The following PDE1A variants were observed in gnomAD, a reference collection of about 807,000 sequenced individuals.
PDE1A encodes the protein phosphodiesterase 1A.
PDE1A carries 35 observed loss-of-function variants against 61.7 expected under a neutral mutation model. The ratio of observed to expected loss-of-function variants is 0.57; its 90% CI spans 0.43 to 0.75. The LOEUF is 0.75. PDE1A is among the 30% of genes least tolerant of loss of function. The probability of loss-of-function intolerance (pLI) is 0.00; values close to 1 mark genes in which losing one functional copy is unlikely to be tolerated. For missense variants in PDE1A, 597 were observed against 630.6 expected (o/e 0.95, Z 0.57); for synonymous variants, 232 against 213.2 (o/e 1.09, Z -0.77).
chr2:182,649,634 G>A, the PDE1A span, among the ~76,000 whole-genome samples: 4 of 151,410 alleles, frequency 2.6e-5, no homozygotes, highest in South Asian at 2.1e-4. Context: ...AAATTGAGAT[G>A]GAGTCTCGCT....
chr2:182,712,967 C>T, the PDE1A span, among the ~76,000 whole-genome samples: 13 of 152,142 alleles, frequency 8.5e-5, no homozygotes, highest in Admixed American at 8.5e-4. Context: ...AAATAAACTA[C>T]ATCTTGTCCC....
rs184672234 is a variant in PDE1A, at chr2:182,301,728, A to G, written c.54-37314T>C. Among the ~76,000 whole-genome samples the G allele has an allele frequency of 1.4e-4, 22 of 152,338 alleles. No homozygotes were observed. The East Asian group carries it at 4.1e-3, about 28-fold the overall frequency. ...AACAGTATGTCTTAGAATTCAGGGG[A>G]CTCACTGAGGAGCTCTTGGTGCCCC... On this transcript the variant is annotated intron_variant, in intron 1 of 13. Transcript: ENST00000351439.
At chr2:182,186,635 C>T (rs749340502) in intron 11 of PDE1A, 47 bp from the exon 12 acceptor site, 9 of 1,549,208 alleles carry the variant, frequency 5.8e-6, no homozygotes, top group Non-Finnish European at 7.0e-6. Context: ...TCAAGTGTTA[C>T]AATTTCCTGA....
At chr2:182,168,175 C>T (rs1691773767) in exon 14 of PDE1A, 3 of 1,543,944 alleles carry the variant, frequency 1.9e-6, no homozygotes, top group Non-Finnish European at 2.6e-6. Context: ...TTCCAGCAAG[C>T]ATAATCAAAA....
chr2:182,166,505 G>C (rs553649632), downstream of PDE1A, among the ~76,000 whole-genome samples: 4 of 152,122 alleles, frequency 2.6e-5, no homozygotes, highest in Non-Finnish European at 5.9e-5. Flanking sequence ...GAAGGGGGTG[G>C]TCTAAGGCCT....
chr2:182,276,072 C>A (rs1443635907), intron 1 of PDE1A, among the ~76,000 whole-genome samples: 1 of 151,972 alleles, frequency 6.6e-6, no homozygotes, highest in East Asian at 1.9e-4. Context: ...CCAGAAAAAT[C>A]ATTTCCTTCC....
rs550778586 is a variant in PDE1A, at chr2:182,388,806, A to G, written c.53+37772T>C. Among the ~76,000 whole-genome samples the G allele has an allele frequency of 2.6e-5, 4 of 152,162 alleles. No individual in the cohort carries two copies. The South Asian group carries it at 8.3e-4, about 32-fold the overall frequency. On this transcript the variant is annotated intron_variant, in intron 1 of 13. Coordinates refer to ENST00000351439, the Ensembl canonical transcript of PDE1A. ...TATATGGAAGGAAGTAATATAGATC[A>G]GAACAAAAATGAAATAAAGACCAGA...
chr2:182,256,254 G>A (rs1691805036), intron 2 of PDE1A, among the ~76,000 whole-genome samples: 1 of 72,446 alleles, frequency 1.4e-5, no homozygotes, highest in Non-Finnish European at 2.5e-5. Flanking sequence ...CCCCACCACA[G>A]TCCCCAGAGT....
intron 1 of PDE1A, among the ~76,000 whole-genome samples, chr2:182,381,390 T>C (rs1700725281): frequency 6.6e-6 from 1 of 152,194 alleles, no homozygotes; most frequent in Non-Finnish European, 1.5e-5. Flanking sequence ...TTAGAATAGT[T>C]GCCAGAGTAG....
At position 182,348,622 on chromosome 2, in the gene PDE1A, A is replaced by G. The variant is rs144085075; in HGVS notation, c.53+77956T>C. On this transcript the variant is annotated intron_variant, in intron 1 of 13. Coordinates refer to ENST00000351439, the Ensembl canonical transcript of PDE1A. ...TACATGTATAGATTACATGTATCCA[A>G]TTGATTATTTGGACTCTATGCTATC... is the stretch of plus-strand genomic sequence containing the variant. Among the ~76,000 whole-genome samples, 19 of 151,950 alleles carry G rather than the reference A, an allele frequency of 1.3e-4. No individual in the cohort carries two copies. The East Asian group carries it at 2.5e-3, about 20-fold the overall frequency.
chr2:182,589,276 GAA>G, the PDE1A span, among the ~76,000 whole-genome samples: 1 of 60,356 alleles, frequency 1.7e-5, no homozygotes, highest in Non-Finnish European at 4.4e-5. Flanking sequence ...AGGGAGGAAG[GAA>G]GGAAGGAAGG....
intron 2 of PDE1A, among the ~76,000 whole-genome samples, chr2:182,457,998 A>T (rs1333409123): frequency 6.6e-6 from 1 of 152,076 alleles, no homozygotes; most frequent in Non-Finnish European, 1.5e-5. Context: ...TACATCCTCT[A>T]TTGATAAGGG....
Position 182,329,733 on chromosome 2 carries a change from G to T in PDE1A, c.54-65319C>A, listed in dbSNP as rs150414194. ...GGGGTTTCTATCTCCTATCTGCAAA[G>T]CACCATCACCACTCCAGGGACCACT... On this transcript the variant is annotated intron_variant, in intron 1 of 13. Transcript: ENST00000351439. 2.3e-4 allele frequency among the ~76,000 whole-genome samples: 35 copies of T among 152,240 alleles called. 1 individual carries two copies. In the South Asian group the frequency reaches 6.6e-3, roughly 29 times the overall value.
the PDE1A span, among the ~76,000 whole-genome samples, chr2:182,533,035 C>A: frequency 6.9e-6 from 1 of 145,202 alleles, no homozygotes; most frequent in Admixed American, 7.0e-5. Flanking sequence ...AAAGAAGAGG[C>A]CAGGCGCGGC....
intron 1 of PDE1A, among the ~76,000 whole-genome samples, chr2:182,368,179 C>A (rs762134010): frequency 1.3e-4 from 20 of 152,156 alleles, no homozygotes; most frequent in Non-Finnish European, 2.2e-4. Flanking sequence ...GGATCATTAA[C>A]AGATGACACT....
chr2:182,224,160 ATATAAGT>A (rs1319946222), intron 6 of PDE1A, among the ~76,000 whole-genome samples, 196 bp from the exon 7 acceptor site: 2 of 152,040 alleles, frequency 1.3e-5, no homozygotes, highest in Admixed American at 1.3e-4. Flanking sequence ...GTTTCATGGC[ATATAAGT>A]TCAAAATTCA....
At chr2:182,171,029 CTA>C (rs1692164839) in intron 13 of PDE1A, among the ~76,000 whole-genome samples, 3 of 151,906 alleles carry the variant, frequency 2.0e-5, no homozygotes, top group Admixed American at 6.6e-5. Context: ...AAAAACACTT[CTA>C]GTTTTGTTTT....
At chr2:182,585,157 T>C in the PDE1A span, among the ~76,000 whole-genome samples, 1 of 152,166 alleles carries the variant, frequency 6.6e-6, no homozygotes, top group Non-Finnish European at 1.5e-5. Context: ...GTATATCCCA[T>C]TTAGTCTTTA....
chr2:182,305,854 CCATCACCTCAAA>C (rs1444436000), intron 1 of PDE1A, among the ~76,000 whole-genome samples: 2 of 151,994 alleles, frequency 1.3e-5, no homozygotes, highest in African/African-American at 4.8e-5. Context: ...ATTAACATAT[CCATCACCTCAAA>C]CATTTACTAT....
Sources: gnomAD v4.1 joint callset for allele counts (sites outside exome capture counted in the v4.1 genomes callset) on GRCh38, gnomAD v4.1.1 for gene constraint, MANE v1.5 for transcripts, NCBI Gene and HGNC (gene_info 2026-07-23, HGNC 2026-07-21) for gene names.